The following RUFY4 variants were observed in gnomAD, a reference collection of about 807,000 sequenced individuals.
The protein encoded by RUFY4 is RUN and FYVE domain-containing protein 4.
Under a neutral mutation model 69.0 loss-of-function variants are expected in RUFY4, and 73 were observed. The ratio of observed to expected loss-of-function variants is 1.06; its 90% CI spans 0.88 to 1.29. RUFY4 has a LOEUF of 1.29. RUFY4 is among the 50% of genes most tolerant of loss of function. The probability of loss-of-function intolerance (pLI) is 0.00; values close to 1 mark genes in which losing one functional copy is unlikely to be tolerated. For missense variants in RUFY4, 770 were observed against 705.6 expected (o/e 1.09, Z -1.03); for synonymous variants, 287 against 271.8 (o/e 1.06, Z -0.55).
chr2:218,089,705 G>T, intron 10 of RUFY4: 1 of 703,598 alleles, frequency 1.4e-6, no homozygotes, highest in South Asian at 1.5e-5. Context: ...CCAGCCTTGG[G>T]AGAGAGGAAA....
At chr2:218,043,082 A>C (rs1159030155) in intron 2 of RUFY4, among the ~76,000 whole-genome samples, 1 of 151,200 alleles carries the variant, frequency 6.6e-6, no homozygotes. Flanking sequence ...GAGAAGGTTT[A>C]TTGCATGTTA....
intron 8 of RUFY4, among the ~76,000 whole-genome samples, chr2:218,081,774 C>T (rs570586914): frequency 4.0e-4 from 61 of 152,356 alleles, no homozygotes; most frequent in African/African-American, 1.3e-3. Flanking sequence ...AGCACCAGAA[C>T]GCTCTTGGGG....
At chr2:218,048,739 A>G (rs1688882984) in intron 2 of RUFY4, among the ~76,000 whole-genome samples, 1 of 151,964 alleles carries the variant, frequency 6.6e-6, no homozygotes, top group South Asian at 2.1e-4. Flanking sequence ...TGTACCTTGT[A>G]GGATTATGCC....
Position 218,073,402 on chromosome 2 carries a change from C to T in RUFY4, c.530+16C>T, listed in dbSNP as rs757642023. ...TGTTCTCAGAGTGAGTGGGTGCAGCCAGGAGAGAAGTCTCTTTTGACACCT... is the reference window on the plus strand; with the variant it reads ...TGTTCTCAGAGTGAGTGGGTGCAGCTAGGAGAGAAGTCTCTTTTGACACCT... On this transcript the variant is annotated intron_variant, in intron 5 of 10. Transcript: ENST00000344321. The T allele has an allele frequency of 2.5e-6, 4 of 1,583,950 alleles. No homozygotes were observed. The highest frequency in any genetic ancestry group is 3.4e-6 in the Non-Finnish European group (4 of 1,164,768).
intron 9 of RUFY4, 129 bp downstream of exon 11, chr2:218,083,385 C>A: frequency 8.1e-7 from 1 of 1,230,572 alleles, no homozygotes; most frequent in Non-Finnish European, 1.1e-6. Context: ...TATAAGCTAA[C>A]CCTTCTGTTT....
At chr2:218,056,345 C>T (rs1033486289) in intron 2 of RUFY4, among the ~76,000 whole-genome samples, 3 of 151,468 alleles carry the variant, frequency 2.0e-5, no homozygotes, top group African/African-American at 7.3e-5. Flanking sequence ...AAGATGATTG[C>T]TGATGCCTGC....
At chr2:218,076,145 G>A (rs1040518961) in intron 7 of RUFY4, among the ~76,000 whole-genome samples, 1 of 152,176 alleles carries the variant, frequency 6.6e-6, no homozygotes, top group Non-Finnish European at 1.5e-5. Context: ...TTCTCCTGGA[G>A]GTCACTCAAG....
chr2:218,053,504 C>T (rs1332495170), intron 2 of RUFY4, among the ~76,000 whole-genome samples: 1 of 151,936 alleles, frequency 6.6e-6, no homozygotes, highest in Non-Finnish European at 1.5e-5. Context: ...CGCCACCACA[C>T]CTGGCTAATT....
chr2:218,065,268 G>C (rs1407820764), upstream of RUFY4, among the ~76,000 whole-genome samples: 1 of 152,180 alleles, frequency 6.6e-6, no homozygotes, highest in Non-Finnish European at 1.5e-5. Flanking sequence ...AGGAGGGGTG[G>C]GGGGAGAGGG....
At position 218,075,648 on chromosome 2, in the gene RUFY4, T is replaced by G. The variant is rs1689612330; in HGVS notation, c.1156T>G (p.Ser386Ala). The change falls in exon 7 of 11, where the codon TCT becomes GCT. Residue 386 changes from serine to alanine, a missense_variant. Ser to Ala is a moderately conservative substitution (Grantham distance 99). Transcript: ENST00000344321. ...TCAGGGACACGCAACAAAGGAAGAC[T>G]CTACCGTGGAGAATCCACAAGTGCA... 2.0e-6 allele frequency: 3 copies of G among 1,511,570 alleles called. No individual in the cohort carries two copies. The African/African-American group carries it at 4.2e-5, about 21-fold the overall frequency. The allele number at this position is 1,511,570 out of a possible 1,614,324, so 93.6% of individuals were successfully genotyped here. A position where few individuals can be genotyped will look rare whatever the true frequency, so the allele number is the denominator to read the frequency against.
At chr2:218,054,439 C>T (rs921977991) in intron 2 of RUFY4, among the ~76,000 whole-genome samples, 4 of 151,594 alleles carry the variant, frequency 2.6e-5, no homozygotes, top group Non-Finnish European at 5.9e-5. Flanking sequence ...CCTTTAATCC[C>T]AGCTACTCAG....
intron 8 of RUFY4, among the ~76,000 whole-genome samples, chr2:218,079,975 G>A (rs2106064608): frequency 6.6e-6 from 1 of 152,302 alleles, no homozygotes; most frequent in East Asian, 1.9e-4. Flanking sequence ...CATTCAGACT[G>A]GGGTCCAGAA....
At chr2:218,035,566 T>G (rs986751058) in intron 2 of RUFY4, among the ~76,000 whole-genome samples, 5 of 152,164 alleles carry the variant, frequency 3.3e-5, no homozygotes, top group Non-Finnish European at 7.4e-5. Flanking sequence ...GCTGTACCAC[T>G]GCCACGCCAC....
At chr2:218,035,033 C>A (rs1363711374) in exon 1 of RUFY4, 1 of 152,446 alleles carries the variant, frequency 6.6e-6, no homozygotes, top group Non-Finnish European at 1.5e-5. Context: ...GACTCTACCC[C>A]AGGTGGGCCT....
chr2:218,066,005 A>T (rs1322944545), upstream of RUFY4, among the ~76,000 whole-genome samples: 7 of 151,462 alleles, frequency 4.6e-5, no homozygotes, highest in Non-Finnish European at 1.0e-4. Flanking sequence ...GACTTGGGGG[A>T]CAAGGGGGGT....
In RUFY4 at chr2:218,060,162, C is replaced by A. The variant is rs184399131; in HGVS notation, c.-1071+1481C>A. 69 of 515,488 alleles carry A rather than the reference C, an allele frequency of 1.3e-4. 1 individual carries two copies. The East Asian group carries it at 2.2e-3, about 16-fold the overall frequency. 31.9% of individuals were successfully genotyped at this position (515,488 alleles called of 1,614,324 possible). ...TATGGCAAGGGGTGAGGTACCAGGG[C>A]AGGCTTTCTAAATCATGCAAGGGAA... On this transcript the variant is annotated intron_variant and NMD_transcript_variant, in intron 3 of 13. Coordinates refer to the RUFY4 transcript ENST00000457754.
intron 3 of RUFY4, among the ~76,000 whole-genome samples, chr2:218,058,867 G>A (rs1193774606): frequency 6.6e-6 from 1 of 152,156 alleles, no homozygotes; most frequent in East Asian, 1.9e-4. Context: ...TCCCACCCCT[G>A]ACACTCCTGA....
At chr2:218,075,618 G>A (rs1218314431) in exon 7 of RUFY4, 2 of 1,521,468 alleles carry the variant, frequency 1.3e-6, no homozygotes, top group Non-Finnish European at 1.8e-6. Context: ...GGAGCCCTGG[G>A]TCCTTCAGGG....
chr2:218,075,659 G>T (rs1407179963), exon 7 of RUFY4: 1 of 1,500,812 alleles, frequency 6.7e-7, no homozygotes, highest in Non-Finnish European at 8.9e-7. Flanking sequence ...CTACCGTGGA[G>T]AATCCACAAG....
Sources: allele counts gnomAD v4.1 joint callset (sites outside exome capture counted in the v4.1 genomes callset), GRCh38; gene constraint gnomAD v4.1.1; transcripts MANE v1.5; gene names NCBI Gene and HGNC (gene_info 2026-07-23, HGNC 2026-07-21).